PDGFC: variants seen among roughly 807,000 people sequenced by gnomAD.
PDGFC encodes platelet derived growth factor C, also known as platelet-derived growth factor C.
A neutral mutation model predicts 35.5 loss-of-function variants in PDGFC; 12 were observed. The observed-to-expected ratio is 0.34, with a 90% CI of 0.22 to 0.55. The LOEUF is 0.55. Ranked by LOEUF, PDGFC falls within the 20% of genes least tolerant of loss-of-function variation. The pLI is 0.91. For synonymous variants in PDGFC, 159 were observed against 148.8 expected (o/e 1.07, Z -0.50); for missense variants, 322 against 412.4 (o/e 0.78, Z 1.90).
At chr4:156,793,969 T>C (rs1731370894) in intron 3 of PDGFC, among the ~76,000 whole-genome samples, 1 of 152,128 alleles carries the variant, frequency 6.6e-6, no homozygotes, top group East Asian at 1.9e-4. Context: ...GGTCAGTAAC[T>C]GAGGAGCTAC....
Position 156,850,852 on chromosome 4 carries a change from CTAAT to C in PDGFC, c.119-440_119-437del, listed in dbSNP as rs1188359327. ...CTTAAAGCTGCAGAGCTACAGTCAA[CTAAT>C]TATTCAAAGATTTGCATTAATTTTA... is the stretch of plus-strand genomic sequence containing the variant. On this transcript the variant is annotated intron_variant, in intron 1 of 5. Transcript: ENST00000502773. Among the ~76,000 whole-genome samples the C allele has an allele frequency of 4.6e-5, 7 of 152,170 alleles. No homozygotes were observed. The East Asian group carries it at 1.4e-3, about 29-fold the overall frequency.
chr4:156,956,721 A>G (rs1732222025), intron 1 of PDGFC, among the ~76,000 whole-genome samples: 1 of 152,082 alleles, frequency 6.6e-6, no homozygotes, highest in Non-Finnish European at 1.5e-5. Flanking sequence ...TGTACTTATT[A>G]GCTTGACAAT....
At chr4:156,868,862 C>A (rs1729910433) in intron 1 of PDGFC, among the ~76,000 whole-genome samples, 1 of 152,134 alleles carries the variant, frequency 6.6e-6, no homozygotes, top group South Asian at 2.1e-4. Flanking sequence ...CCTTGGTGTT[C>A]TCAAGTACTT....
intron 1 of PDGFC, among the ~76,000 whole-genome samples, chr4:156,888,677 A>T (rs1426791719): frequency 6.6e-6 from 1 of 152,140 alleles, no homozygotes; most frequent in Non-Finnish European, 1.5e-5. Context: ...TAAAATTCAC[A>T]TCACTTTTTT....
intron 4 of PDGFC, among the ~76,000 whole-genome samples, chr4:156,772,461 GA>G (rs1205029916): frequency 6.6e-6 from 1 of 152,058 alleles, no homozygotes; most frequent in Non-Finnish European, 1.5e-5. Context: ...GGAATTTTCA[GA>G]AGTATCCCCC....
intron 1 of PDGFC, among the ~76,000 whole-genome samples, chr4:156,932,080 A>G (rs1731562808): frequency 6.6e-6 from 1 of 152,300 alleles, no homozygotes; most frequent in South Asian, 2.1e-4. Context: ...ATGTAATGCT[A>G]ATTTAATCTA....
intron 1 of PDGFC, among the ~76,000 whole-genome samples, chr4:156,965,763 C>T (rs1327785282): frequency 6.6e-6 from 1 of 152,154 alleles, no homozygotes; most frequent in Non-Finnish European, 1.5e-5. Flanking sequence ...CCCCTTCTTA[C>T]TCCAGGTCCT....
intron 2 of PDGFC, among the ~76,000 whole-genome samples, chr4:156,845,503 C>A (rs77066927): frequency 6.6e-6 from 1 of 151,706 alleles, no homozygotes; most frequent in Admixed American, 6.6e-5. Flanking sequence ...CCAATTCTGT[C>A]GGAGCTCAGC....
chr4:156,921,279 G>C (rs1412036439), intron 1 of PDGFC, among the ~76,000 whole-genome samples: 1 of 152,098 alleles, frequency 6.6e-6, no homozygotes, highest in East Asian at 1.9e-4. Flanking sequence ...GGAGATAAGG[G>C]GTGGTGATCA....
intron 1 of PDGFC, among the ~76,000 whole-genome samples, chr4:156,895,068 T>C (rs143158315): frequency 3.3e-4 from 50 of 152,268 alleles, no homozygotes; most frequent in African/African-American, 1.2e-3. Context: ...ACTTCTCCTG[T>C]TCCTCTCACA....
intron 1 of PDGFC, among the ~76,000 whole-genome samples, chr4:156,938,105 T>A (rs1004401459): frequency 6.6e-6 from 1 of 152,080 alleles, no homozygotes; most frequent in Non-Finnish European, 1.5e-5. Flanking sequence ...AGGACAAATT[T>A]TTACAATTTT....
chr4:156,850,190 C>A, intron 2 of PDGFC, 31 bp downstream of exon 2: 3 of 1,171,006 alleles, frequency 2.6e-6, no homozygotes, highest in Non-Finnish European at 2.4e-6. Context: ...ACAGTTGTTA[C>A]ATTGTTGGGA....
At chr4:156,937,793 T>C (rs554977853) in intron 1 of PDGFC, among the ~76,000 whole-genome samples, 2 of 152,310 alleles carry the variant, frequency 1.3e-5, no homozygotes, top group South Asian at 4.1e-4. Flanking sequence ...TTCCTGTGTT[T>C]ACACAATACA....
At chr4:156,778,386 T>G (rs995441747) in intron 3 of PDGFC, 1 of 168,116 alleles carries the variant, frequency 5.9e-6, no homozygotes, top group Non-Finnish European at 1.3e-5. Flanking sequence ...TCTATTTTTA[T>G]TAATGAAAAA....
At chr4:156,776,807 T>A (rs1164477214) in intron 3 of PDGFC, among the ~76,000 whole-genome samples, 1 of 152,194 alleles carries the variant, frequency 6.6e-6, no homozygotes, top group East Asian at 1.9e-4. Context: ...GATACTCACA[T>A]GTAGGGAAGA....
intron 1 of PDGFC, among the ~76,000 whole-genome samples, chr4:156,885,742 A>G (rs962560015): frequency 6.6e-6 from 1 of 152,112 alleles, no homozygotes; most frequent in Non-Finnish European, 1.5e-5. Context: ...ATCACAAAAA[A>G]TTAGCCAGGC....
chr4:156,814,999 A>T (rs1732041478), intron 2 of PDGFC, among the ~76,000 whole-genome samples: 1 of 152,136 alleles, frequency 6.6e-6, no homozygotes. Flanking sequence ...GACAGCTGGC[A>T]ACTAATTCTT....
chr4:156,817,373 G>C (rs761173057), intron 2 of PDGFC, among the ~76,000 whole-genome samples: 3 of 152,090 alleles, frequency 2.0e-5, no homozygotes, highest in Non-Finnish European at 4.4e-5. Flanking sequence ...CAATGAGGAA[G>C]AAGATATAAT....
At chr4:156,943,987 G>A (rs927996183) in intron 1 of PDGFC, among the ~76,000 whole-genome samples, 8 of 152,040 alleles carry the variant, frequency 5.3e-5, no homozygotes, top group Non-Finnish European at 8.8e-5. Flanking sequence ...AAGAACTCTC[G>A]TTGACTTGTC....
Sources: allele counts gnomAD v4.1 joint callset (sites outside exome capture counted in the v4.1 genomes callset), GRCh38; gene constraint gnomAD v4.1.1; transcripts MANE v1.5; gene names NCBI Gene and HGNC (gene_info 2026-07-23, HGNC 2026-07-21).